COL19A1: variants seen among roughly 807,000 people sequenced by gnomAD.
COL19A1 encodes the protein collagen alpha-1(XIX) chain.
Under a neutral mutation model 190.2 loss-of-function variants are expected in COL19A1, and 159 were observed. The observed-to-expected ratio is 0.84, with a 90% confidence interval of 0.73 to 0.95. The LOEUF (loss-of-function observed/expected upper bound fraction) is 0.95. Among genes scored for constraint, COL19A1 ranks in the 40% least tolerant of loss-of-function variants. COL19A1 has a pLI of 0.00. For synonymous variants in COL19A1, 509 were observed against 458.9 expected, an observed-to-expected ratio of 1.11 and a Z score of -1.39; for missense variants, 1,418 against 1,431.9, an observed-to-expected ratio of 0.99 and a Z score of 0.16.
intron 49 of COL19A1, among the ~76,000 whole-genome samples, chr6:70,203,291 C>T (rs1307158043): frequency 6.6e-6 from 1 of 152,180 alleles, no homozygotes; most frequent in Non-Finnish European, 1.5e-5. Flanking sequence ...CAGCTACATC[C>T]ATCGCATGCA....
At chr6:69,913,994 A>AG (rs1362403780) in intron 4 of COL19A1, among the ~76,000 whole-genome samples, 1 of 151,890 alleles carries the variant, frequency 6.6e-6, no homozygotes, top group Non-Finnish European at 1.5e-5. Context: ...GAGGGACACC[A>AG]GAAAAAACTA....
intron 49 of COL19A1, among the ~76,000 whole-genome samples, chr6:70,205,737 GA>G (rs1443482308): frequency 6.6e-6 from 1 of 152,186 alleles, no homozygotes; most frequent in African/African-American, 2.4e-5. Context: ...TATAAGCAGG[GA>G]TAATGACTTC....
intron 12 of COL19A1, among the ~76,000 whole-genome samples, chr6:70,033,870 A>C (rs538961824): frequency 8.5e-5 from 13 of 152,262 alleles, no homozygotes; most frequent in Non-Finnish European, 1.6e-4. Context: ...TTTTTTGGCA[A>C]GCTTAACAAA....
chr6:70,037,633 C>T (rs1779424099), intron 14 of COL19A1, among the ~76,000 whole-genome samples: 1 of 152,132 alleles, frequency 6.6e-6, no homozygotes. Flanking sequence ...GTTATATATT[C>T]AACTACTCAG....
At chr6:70,037,312 T>G (rs1013709890) in intron 14 of COL19A1, among the ~76,000 whole-genome samples, 5 of 151,918 alleles carry the variant, frequency 3.3e-5, no homozygotes, top group Admixed American at 2.6e-4. Context: ...CCTGCCACCA[T>G]GCCCGGCTAA....
intron 31 of COL19A1, among the ~76,000 whole-genome samples, chr6:70,152,476 T>G (rs1433764333): frequency 6.6e-6 from 1 of 152,080 alleles, no homozygotes; most frequent in Non-Finnish European, 1.5e-5. Flanking sequence ...TTAAAGGAGT[T>G]TCTAAGACCT....
intron 1 of COL19A1, among the ~76,000 whole-genome samples, chr6:69,878,122 A>G (rs1403587612): frequency 6.6e-6 from 1 of 152,096 alleles, no homozygotes; most frequent in African/African-American, 2.4e-5. Flanking sequence ...CAACATCACT[A>G]ATACTTAGGG....
intron 41 of COL19A1, among the ~76,000 whole-genome samples, chr6:70,173,270 T>C (rs1372212287): frequency 6.6e-6 from 1 of 152,170 alleles, no homozygotes; most frequent in Non-Finnish European, 1.5e-5. Flanking sequence ...AGTGGAGATA[T>C]AAATTTGGCT....
At chr6:70,201,929 A>G (rs993722356) in intron 49 of COL19A1, among the ~76,000 whole-genome samples, 1 of 152,208 alleles carries the variant, frequency 6.6e-6, no homozygotes, top group Non-Finnish European at 1.5e-5. Flanking sequence ...TCTCTAGTAC[A>G]TAAATAGGTG....
intron 9 of COL19A1, among the ~76,000 whole-genome samples, chr6:69,947,722 C>A (rs1773902218): frequency 6.6e-6 from 1 of 151,736 alleles, no homozygotes; most frequent in Non-Finnish European, 1.5e-5. Context: ...GTAGGAGGTT[C>A]AGAGGTTTTC....
Position 69,962,881 on chromosome 6 carries a change from CT to C in COL19A1, c.1026+16del. On this transcript the variant is annotated intron_variant, in intron 11 of 50. Coordinates refer to ENST00000620364, the MANE Select transcript of COL19A1 (RefSeq NM_001858.6). ...GAAACTGGTGAAAAGGTAAATATCT[CT>C]TTTTACATTCACATCTGTAAAAAGA... The C allele has an allele frequency of 6.3e-7, 1 of 1,597,530 alleles. No individual in the cohort carries two copies. Among genetic ancestry groups the C allele is most frequent in the Non-Finnish European group, 8.6e-7 (1 of 1,168,916 alleles).
At chr6:69,878,158 A>C (rs952238088) in intron 1 of COL19A1, among the ~76,000 whole-genome samples, 22 of 152,072 alleles carry the variant, frequency 1.4e-4, no homozygotes, top group African/African-American at 5.3e-4. Context: ...GCACAGTGAG[A>C]TACCATCTGA....
At position 70,207,223 on chromosome 6, in the gene COL19A1, A is replaced by T. The variant is rs1187995396; in HGVS notation, c.3378A>T (p.Glu1126Asp). Reference protein sequence around the residue: ...PPGPSGRCNPEDCLYPVSHAH... With the variant: ...PPGPSGRCNPDDCLYPVSHAH... ...GACCCAGTGGAAGATGTAACCCAGA[A>T]GATTGCCTCTATCCTGTGTCTCATG... The change falls in exon 51 of 51, where the codon GAA (glutamate) becomes GAT (aspartate). Residue 1126 changes from glutamate (E) to aspartate (D), a missense_variant. Transcript: ENST00000620364. 1.9e-6 allele frequency: 3 copies of T among 1,613,944 alleles called. No homozygotes were observed. The highest frequency in any genetic ancestry group is 2.5e-6 in the Non-Finnish European group (3 of 1,179,972).
Position 70,068,466 on chromosome 6 carries a change from A to T in COL19A1, c.1214A>T (p.Glu405Val), listed in dbSNP as rs768605836. The change falls in exon 15 of 51, where the codon GAG (glutamate) becomes GTG (valine). Residue 405 changes from glutamate (E) to valine (V), a missense_variant. Glu to Val is a moderately radical substitution (Grantham distance 121). Transcript: ENST00000620364. ...IQGPQGPPGK[E>V]GQRGRRGKTG... ...GGCCCCCAAGGTCCACCTGGAAAAGAGGGTCAGAGGGTAAGTAAAGCTGGA... is the reference window on the plus strand; with the variant it reads ...GGCCCCCAAGGTCCACCTGGAAAAGTGGGTCAGAGGGTAAGTAAAGCTGGA... The T allele has an allele frequency of 1.3e-6, 2 of 1,597,230 alleles. No individual in the cohort carries two copies. The highest frequency in any genetic ancestry group is 1.7e-6 in the Non-Finnish European group (2 of 1,166,868).
intron 14 of COL19A1, among the ~76,000 whole-genome samples, chr6:70,039,722 G>A (rs1779537797): frequency 6.6e-6 from 1 of 151,498 alleles, no homozygotes; most frequent in South Asian, 2.1e-4. Flanking sequence ...GTTTACTGAT[G>A]CAGGGGCAAT....
chr6:70,117,135 T>G (rs1388085408), intron 16 of COL19A1, among the ~76,000 whole-genome samples: 1 of 152,198 alleles, frequency 6.6e-6, no homozygotes, highest in African/African-American at 2.4e-5. Context: ...TGATTCACAA[T>G]GTGCAGAGTG....
Position 70,171,620 on chromosome 6 carries a change from C to G in COL19A1, c.2569-344C>G, listed in dbSNP as rs147533797. Among the ~76,000 whole-genome samples the G allele has an allele frequency of 5.8e-3, 887 of 152,236 alleles. 10 individuals carry two copies. Among genetic ancestry groups the G allele is most frequent in the Middle Eastern group, 6.8e-3 (2 of 294 alleles). On this transcript the variant is annotated intron_variant, in intron 40 of 50. Coordinates refer to ENST00000620364, the MANE Select transcript of COL19A1 (RefSeq NM_001858.6). ...GAAAATCTAGCAGCACCAGGTAGCT[C>G]ACAAATTGGCAAACTTTATTAAAGC...
At chr6:70,154,006 G>A (rs1296529095) in intron 31 of COL19A1, among the ~76,000 whole-genome samples, 5 of 151,794 alleles carry the variant, frequency 3.3e-5, no homozygotes, top group African/African-American at 9.7e-5. Context: ...TGTGCAGAAC[G>A]TGCAGCTTTG....
At chr6:69,896,722 C>T (rs953274363) in intron 2 of COL19A1, among the ~76,000 whole-genome samples, 4 of 152,126 alleles carry the variant, frequency 2.6e-5, no homozygotes, top group Admixed American at 1.3e-4. Context: ...TTTCACTTTG[C>T]ATTTCCTTGA....
Sources: allele counts gnomAD v4.1 joint callset (sites outside exome capture counted in the v4.1 genomes callset), GRCh38; gene constraint gnomAD v4.1.1; transcripts MANE v1.5; gene names NCBI Gene and HGNC (gene_info 2026-07-23, HGNC 2026-07-21).